The following RETREG1 variants were observed in gnomAD, a reference collection of about 807,000 sequenced individuals.
The protein encoded by RETREG1 is reticulophagy regulator 1.
Under a neutral mutation model 54.8 loss-of-function variants are expected in RETREG1, and 44 were observed. The ratio of observed to expected loss-of-function variants is 0.80; its 90% CI spans 0.63 to 1.03. RETREG1 has a LOEUF of 1.03. RETREG1 is among the 50% of genes least tolerant of loss of function. RETREG1 has a pLI of 0.00. For synonymous variants in RETREG1, 217 were observed against 238.5 expected, an observed-to-expected ratio of 0.91 and a Z score of 0.83; for missense variants, 554 against 605.1, an observed-to-expected ratio of 0.92 and a Z score of 0.89.
intron 1 of RETREG1, among the ~76,000 whole-genome samples, chr5:16,595,021 A>AAT (rs1742860330): frequency 6.6e-6 from 1 of 152,182 alleles, no homozygotes; most frequent in South Asian, 2.1e-4. Flanking sequence ...AGTTTCATAT[A>AAT]ATATCCTTCC....
intron 1 of RETREG1, among the ~76,000 whole-genome samples, chr5:16,607,440 C>A (rs1743221638): frequency 6.6e-6 from 1 of 151,910 alleles, no homozygotes; most frequent in Non-Finnish European, 1.5e-5. Context: ...ATGGTAAAAC[C>A]CTGTCTCTAC....
chr5:16,506,377 T>A (rs1739954403), intron 3 of RETREG1, among the ~76,000 whole-genome samples: 1 of 152,176 alleles, frequency 6.6e-6, no homozygotes, highest in Non-Finnish European at 1.5e-5. Flanking sequence ...AACAGTTATT[T>A]CTCTTTCAGA....
At chr5:16,613,830 C>T (rs1008688393) in intron 1 of RETREG1, among the ~76,000 whole-genome samples, 3 of 151,630 alleles carry the variant, frequency 2.0e-5, no homozygotes, top group African/African-American at 7.3e-5. Context: ...AATTTAAGAT[C>T]ATTTGAGAAG....
At chr5:16,495,796 G>A (rs1423568959) in intron 3 of RETREG1, among the ~76,000 whole-genome samples, 1 of 101,886 alleles carries the variant, frequency 9.8e-6, no homozygotes, top group African/African-American at 3.4e-5. Context: ...GCGAGACTCT[G>A]TCTCAAAAAA....
intron 3 of RETREG1, among the ~76,000 whole-genome samples, chr5:16,498,540 C>T (rs968178033): frequency 6.6e-6 from 1 of 152,140 alleles, no homozygotes; most frequent in African/African-American, 2.4e-5. Flanking sequence ...TGGCAAAACC[C>T]AATCTCTACA....
In RETREG1 at chr5:16,478,947, A is replaced by G. The variant is rs200070690; in HGVS notation, c.711T>C (p.Asp237=). 10 of 1,612,228 alleles carry G rather than the reference A, an allele frequency of 6.2e-6. No individual in the cohort carries two copies. The highest frequency in any genetic ancestry group is 8.5e-6 in the Non-Finnish European group (10 of 1,178,888). The change falls in exon 6 of 9, where the codon GAT becomes GAC. Residue 237 remains aspartate (D), a synonymous_variant. Transcript: ENST00000306320. ...TTTTGCTGTAAATTTTTTGTCCAAT[A>G]TCATTACATTTAAACAATGGACACA... ...AFLCPLFKCN[D]IGQKIYSKIK... is the part of the protein sequence containing the mutation.
chr5:16,568,569 A>T (rs1484977610), intron 2 of RETREG1, among the ~76,000 whole-genome samples: 1 of 152,078 alleles, frequency 6.6e-6, no homozygotes, highest in East Asian at 1.9e-4. Context: ...GAGCCACTGC[A>T]CCCGGCCTCA....
intron 3 of RETREG1, among the ~76,000 whole-genome samples, chr5:16,520,741 G>A (rs1483387398): frequency 6.6e-6 from 1 of 152,090 alleles, no homozygotes; most frequent in East Asian, 1.9e-4. Flanking sequence ...TTTAAGTTGC[G>A]CTATTTAGTG....
At chr5:16,556,454 G>A (rs6886993) in intron 3 of RETREG1, among the ~76,000 whole-genome samples, 56,976 of 151,940 alleles carry the variant, frequency 0.37, 10,804 homozygotes, top group South Asian at 0.47. Flanking sequence ...GCTACCGAGC[G>A]AGGATGAAGT....
chr5:16,611,863 G>A (rs372825127), intron 1 of RETREG1, among the ~76,000 whole-genome samples: 3 of 152,102 alleles, frequency 2.0e-5, no homozygotes, highest in African/African-American at 4.8e-5. Flanking sequence ...TCAGGAGTTC[G>A]TGACCAGCCT....
Position 16,521,204 on chromosome 5 carries a change from C to T in RETREG1, c.459-37732G>A, listed in dbSNP as rs559432362. On this transcript the variant is annotated intron_variant, in intron 3 of 8. Coordinates refer to ENST00000306320, the MANE Select transcript of RETREG1 (RefSeq NM_001034850.3). The stretch of plus-strand genomic sequence containing the variant: ...TAATCGCTATGCCTCTGATATGAAG[C>T]CACTTTCTTTTGCTATCTCTCTTCC... Among the ~76,000 whole-genome samples the T allele has an allele frequency of 2.1e-4, 32 of 152,250 alleles. No homozygotes were observed. In the Middle Eastern group the frequency reaches 0.01, roughly 49 times the overall value.
chr5:16,502,567 T>C (rs1739760349), intron 3 of RETREG1, among the ~76,000 whole-genome samples: 1 of 152,182 alleles, frequency 6.6e-6, no homozygotes. Flanking sequence ...GACAAAATTG[T>C]ACATATGAGA....
chr5:16,565,731 A>C, intron 3 of RETREG1, 32 bp downstream of exon 3: 1 of 1,613,566 alleles, frequency 6.2e-7, no homozygotes, highest in Non-Finnish European at 8.5e-7. Context: ...CCCTCCCTCC[A>C]TTAAGCACAA....
intron 3 of RETREG1, among the ~76,000 whole-genome samples, chr5:16,548,719 C>T (rs1741453850): frequency 6.6e-6 from 1 of 152,194 alleles, no homozygotes; most frequent in African/African-American, 2.4e-5. Context: ...ACCTTCTTGA[C>T]TGAAAATATT....
intron 3 of RETREG1, among the ~76,000 whole-genome samples, chr5:16,507,695 G>A (rs1291573913): frequency 6.6e-6 from 1 of 152,148 alleles, no homozygotes; most frequent in African/African-American, 2.4e-5. Context: ...ACACAAACAT[G>A]CCCCATATAC....
chr5:16,611,754 CA>C (rs1743348226), intron 1 of RETREG1, among the ~76,000 whole-genome samples: 1 of 152,190 alleles, frequency 6.6e-6, no homozygotes, highest in African/African-American at 2.4e-5. Context: ...AACTGATACA[CA>C]CAGCAGAGAT....
At chr5:16,537,381 C>T (rs982860057) in intron 3 of RETREG1, among the ~76,000 whole-genome samples, 1 of 152,210 alleles carries the variant, frequency 6.6e-6, no homozygotes, top group South Asian at 2.1e-4. Flanking sequence ...AGGCTCAGCA[C>T]AGCTACCAGC....
intron 3 of RETREG1, among the ~76,000 whole-genome samples, chr5:16,541,274 C>T (rs1253045144): frequency 6.6e-6 from 1 of 152,126 alleles, no homozygotes; most frequent in Non-Finnish European, 1.5e-5. Flanking sequence ...GAACAGTGAG[C>T]AATAAATTTC....
At chr5:16,564,926 T>A (rs1428063675) in intron 3 of RETREG1, among the ~76,000 whole-genome samples, 1 of 152,252 alleles carries the variant, frequency 6.6e-6, no homozygotes, top group South Asian at 2.1e-4. Flanking sequence ...TTTCATGGCA[T>A]TATTTTGTCC....
Sources: gnomAD v4.1 joint callset for allele counts (sites outside exome capture counted in the v4.1 genomes callset) on GRCh38, gnomAD v4.1.1 for gene constraint, MANE v1.5 for transcripts, NCBI Gene and HGNC (gene_info 2026-07-23, HGNC 2026-07-21) for gene names.